The following RBBP4 variants were observed in gnomAD, a reference collection of about 807,000 sequenced individuals.
The protein encoded by RBBP4 is histone-binding protein RBBP4.
In RBBP4, 3 loss-of-function variants were observed where a neutral mutation model predicts 57.2. The ratio of observed to expected loss-of-function variants is 0.05; its 90% CI spans 0.02 to 0.14. The LOEUF (loss-of-function observed/expected upper bound fraction) is 0.14, where lower values mean the gene tolerates loss of function less well. Among genes scored for constraint, RBBP4 ranks in the 10% least tolerant of loss-of-function variants. The pLI, the probability that RBBP4 is intolerant of heterozygous loss-of-function variation, is 1.00. For synonymous variants in RBBP4, 151 were observed against 171.5 expected, an observed-to-expected ratio of 0.88 and a Z score of 0.93; for missense variants, 107 against 520.6, an observed-to-expected ratio of 0.21 and a Z score of 7.73.
rs1435521199 is a variant in RBBP4 at position 32,684,393 on chromosome 1, T to C, written c.*4688T>C. 6.2e-7 allele frequency: 1 copy of C among 1,614,176 alleles called. No homozygotes were observed. The highest frequency in any genetic ancestry group is 1.7e-5 in the Admixed American group (1 of 60,000). On this transcript the variant is annotated 3_prime_UTR_variant, in exon 12 of 12. Transcript: ENST00000373493. ...TTCCTCCAGCTGTTCCTGCATGAGA[T>C]GGCCAAGAACATTTCTAATGAGCCA...
At chr1:32,676,400 TTTGAGACCAGC>T (rs1649102297) in intron 11 of RBBP4, among the ~76,000 whole-genome samples, 1 of 151,946 alleles carries the variant, frequency 6.6e-6, no homozygotes, top group Admixed American at 6.6e-5. Flanking sequence ...AGGTCAGTAG[TTTGAGACCAGC>T]CTGGTCAACA....
At position 32,686,173 on chromosome 1, in the gene RBBP4, AAT is replaced by A. The variant is rs1298772840; in HGVS notation, c.*6473_*6474del. On this transcript the variant is annotated 3_prime_UTR_variant, in exon 12 of 12. Transcript: ENST00000373493. The stretch of plus-strand genomic sequence containing the variant: ...ATATTTGATACTGATTACATGTTGA[AAT>A]ATATGTGTTGGGTTAAATAAAATGC... 1.3e-4 allele frequency: 20 copies of A among 152,254 alleles called. No individual in the cohort carries two copies. Among genetic ancestry groups the A allele is most frequent in the African/African-American group, 4.8e-4 (20 of 41,466 alleles). 9.4% of individuals were successfully genotyped at this position (152,254 alleles called of 1,614,324 possible).
At chr1:32,661,870 CTTTTTTTTTTTTTTTTTTTTTTTTTTT>C (rs71006354) in intron 3 of RBBP4, among the ~76,000 whole-genome samples, 2 of 49,288 alleles carry the variant, frequency 4.1e-5, no homozygotes, top group Admixed American at 3.2e-4. Context: ...CCTTTGCCCA[CTTTTTTTTTTTTTTTTTTTTTTTTTTT>C]TTTTTTTTTG....
intron 3 of RBBP4, among the ~76,000 whole-genome samples, chr1:32,665,779 A>G (rs997479508): frequency 3.3e-5 from 5 of 151,890 alleles, no homozygotes; most frequent in African/African-American, 1.2e-4. Flanking sequence ...TGGATAAGGT[A>G]TTTGATGCTC....
At chr1:32,676,679 T>G (rs1649117939) in intron 11 of RBBP4, among the ~76,000 whole-genome samples, 1 of 152,158 alleles carries the variant, frequency 6.6e-6, no homozygotes, top group South Asian at 2.1e-4. Flanking sequence ...GTTCTTGGTT[T>G]CTTTAGACCT....
At chr1:32,653,785 A>G (rs1393353362) in intron 2 of RBBP4, among the ~76,000 whole-genome samples, 1 of 150,468 alleles carries the variant, frequency 6.6e-6, no homozygotes, top group Non-Finnish European at 1.5e-5. Flanking sequence ...CAGCTTCCCA[A>G]GTAGCTGGGA....
Position 32,651,790 on chromosome 1 carries a change from G to A in RBBP4, c.17-124G>A, listed in dbSNP as rs541895778. The A allele has an allele frequency of 7.7e-6, 9 of 1,172,726 alleles. No individual in the cohort carries two copies. The African/African-American group carries it at 7.7e-5, about 10-fold the overall frequency. The allele number at this position is 1,172,726 out of a possible 1,614,324, so 72.6% of individuals were successfully genotyped here. On this transcript the variant is annotated intron_variant, in intron 1 of 11. Coordinates refer to ENST00000373493, the MANE Select transcript of RBBP4 (RefSeq NM_005610.3). ...AGTGGAGAGTGTGGATGCCTCTGCCGTGGGGATTTAGACAAATCACCTCCA... is the reference window on the plus strand; with the variant it reads ...AGTGGAGAGTGTGGATGCCTCTGCCATGGGGATTTAGACAAATCACCTCCA...
chr1:32,678,067 TCAG>T (rs1273183118), intron 11 of RBBP4, among the ~76,000 whole-genome samples: 1 of 152,200 alleles, frequency 6.6e-6, no homozygotes, highest in African/African-American at 2.4e-5. Flanking sequence ...AGTGTGCAGT[TCAG>T]CAGTCTTCAG....
At chr1:32,673,821 G>A (rs765283057) in intron 11 of RBBP4, among the ~76,000 whole-genome samples, 6 of 152,112 alleles carry the variant, frequency 3.9e-5, no homozygotes, top group South Asian at 2.1e-4. Context: ...ATATTCGGCC[G>A]AGCACGTTGG....
In RBBP4 at chr1:32,669,994, G is replaced by C. The variant is rs879404962; in HGVS notation, c.966+431G>C. Reference sequence around the variant, plus strand: ...TATATGCCTATGCTACTTTCTGTGGGAATTGTTTTTTCTTTGTTATTTCTA... The same window carrying C: ...TATATGCCTATGCTACTTTCTGTGGCAATTGTTTTTTCTTTGTTATTTCTA... On this transcript the variant is annotated intron_variant, in intron 8 of 11. Transcript: ENST00000373493. This position sits in a 1 kb window ranked among gnomAD's most constrained non-coding sequence, Gnocchi z 4.9. Among the ~76,000 whole-genome samples, 4 of 152,308 alleles carry C rather than the reference G, an allele frequency of 2.6e-5. No homozygotes were observed. Among genetic ancestry groups the C allele is most frequent in the Non-Finnish European group, 5.9e-5 (4 of 68,036 alleles).
chr1:32,663,274 C>G (rs1648501442), intron 3 of RBBP4, among the ~76,000 whole-genome samples: 1 of 152,008 alleles, frequency 6.6e-6, no homozygotes, highest in African/African-American at 2.4e-5. Context: ...GATTTGTGCA[C>G]CTTTACTATA....
Position 32,651,902 on chromosome 1 carries a change from T to C in RBBP4, c.17-12T>C, listed in dbSNP as rs1427430349. The stretch of plus-strand genomic sequence containing the variant: ...TTGTTTGCTAACTTAAATTTGTTTT[T>C]AAAAATTTTAGCAGCCTTCGACGAC... On this transcript the variant is annotated splice_polypyrimidine_tract_variant and intron_variant, in intron 1 of 11. Coordinates refer to ENST00000373493, the MANE Select transcript of RBBP4 (RefSeq NM_005610.3). 6.2e-7 allele frequency: 1 copy of C among 1,613,008 alleles called. No individual in the cohort carries two copies. Among genetic ancestry groups the C allele is most frequent in the South Asian group, 1.1e-5 (1 of 91,038 alleles).
At chr1:32,672,323 G>T in intron 8 of RBBP4, 127 bp from the exon 9 acceptor site, 1 of 728,224 alleles carries the variant, frequency 1.4e-6, no homozygotes, top group Admixed American at 3.0e-5. Flanking sequence ...TAACTGTAAC[G>T]TGTATAATAC....
chr1:32,666,721 G>GA (rs1315620537), intron 3 of RBBP4, among the ~76,000 whole-genome samples: 1 of 152,164 alleles, frequency 6.6e-6, no homozygotes, highest in Non-Finnish European at 1.5e-5. Flanking sequence ...GCCGAGGCAA[G>GA]AGACTGAAGG....
intron 8 of RBBP4, among the ~76,000 whole-genome samples, chr1:32,670,838 G>A (rs1648843806): frequency 6.6e-6 from 1 of 152,154 alleles, no homozygotes; most frequent in African/African-American, 2.4e-5. Context: ...GATTAATTCT[G>A]GTGTGTGAAG....
chr1:32,671,855 T>C (rs893227690), intron 8 of RBBP4, among the ~76,000 whole-genome samples: 16 of 152,012 alleles, frequency 1.1e-4, no homozygotes, highest in Non-Finnish European at 2.1e-4. Context: ...ATCCTGCCAT[T>C]GTACTCCAGC....
intron 11 of RBBP4, 22 bp from the exon 12 acceptor site, chr1:32,679,618 T>C: frequency 6.4e-7 from 1 of 1,557,382 alleles, no homozygotes; most frequent in South Asian, 1.2e-5. Context: ...ATGTTTAAAT[T>C]CTTTTTCTTG....
In RBBP4 at chr1:32,681,163, A is replaced by G. The variant is rs144563457; in HGVS notation, c.*1458A>G. The G allele has an allele frequency of 6.5e-6, 1 of 152,680 alleles. No individual in the cohort carries two copies. Among genetic ancestry groups the G allele is most frequent in the African/African-American group, 2.4e-5 (1 of 41,568 alleles). The allele number at this position is 152,680 out of a possible 1,614,324, so 9.5% of individuals were successfully genotyped here. ...TTGTTGTTGTTTTTTAACTGAGTAGATCATTCTGACCCAGAACTACTTTCA... is the reference window on the plus strand; with the variant it reads ...TTGTTGTTGTTTTTTAACTGAGTAGGTCATTCTGACCCAGAACTACTTTCA... On this transcript the variant is annotated 3_prime_UTR_variant, in exon 12 of 12. Coordinates refer to ENST00000373493, the MANE Select transcript of RBBP4 (RefSeq NM_005610.3).
At chr1:32,675,830 C>G (rs1649081109) in intron 11 of RBBP4, among the ~76,000 whole-genome samples, 1 of 152,032 alleles carries the variant, frequency 6.6e-6, no homozygotes, top group African/African-American at 2.4e-5. Context: ...GTGGCTCACA[C>G]CTGTAATCCA....
Sources: gnomAD v4.1 joint callset for allele counts (sites outside exome capture counted in the v4.1 genomes callset) on GRCh38, gnomAD v4.1.1 for gene constraint, Gnocchi (gnomAD v3.1) non-coding constraint, MANE v1.5 for transcripts, NCBI Gene and HGNC (gene_info 2026-07-23, HGNC 2026-07-21) for gene names.